Variants in SLC25A35 observed in about 807,000 individuals in gnomAD.
The protein encoded by SLC25A35 is solute carrier family 25, member 35.
In SLC25A35, 32 loss-of-function variants were observed where a neutral mutation model predicts 30.5. The ratio of observed to expected loss-of-function variants is 1.05; its 90% confidence interval spans 0.79 to 1.41. The LOEUF (loss-of-function observed/expected upper bound fraction) is 1.41, where lower values mean the gene tolerates loss of function less well. SLC25A35 is among the 40% of genes most tolerant of loss of function. The probability of loss-of-function intolerance (pLI) is 0.00; values close to 1 mark genes in which losing one functional copy is unlikely to be tolerated. For missense variants in SLC25A35, 369 were observed against 388.0 expected, an observed-to-expected ratio of 0.95 and a Z score of 0.41; for synonymous variants, 142 against 158.1, an observed-to-expected ratio of 0.90 and a Z score of 0.77.
At chr17:8,288,951 T>G, downstream of SLC25A35, 1 of 1,614,074 alleles carries the variant, frequency 6.2e-7, no homozygotes, top group African/African-American at 1.3e-5. Flanking sequence ...CTCGCCTCAC[T>G]CCAGCGACCT....
At chr17:8,292,283 C>T (rs1044335330) in intron 2 of SLC25A35, among the ~76,000 whole-genome samples, 6 of 152,156 alleles carry the variant, frequency 3.9e-5, no homozygotes, top group Non-Finnish European at 7.3e-5. Flanking sequence ...CACTTGAACC[C>T]GGGAAGCGGA....
downstream of SLC25A35, chr17:8,288,808 G>T (rs369657952): frequency 1.5e-5 from 24 of 1,614,046 alleles, no homozygotes; most frequent in Non-Finnish European, 1.9e-5. Flanking sequence ...ACGAGAGACT[G>T]CCCGCTGTTC....
chr17:8,295,021 G>C lies in SLC25A35; in HGVS notation c.-214C>G. The C allele has an allele frequency of 7.2e-7, 1 of 1,381,170 alleles. No homozygotes were observed. The highest frequency in any genetic ancestry group is 9.3e-7 in the Non-Finnish European group (1 of 1,070,776). The allele number at this position is 1,381,170 out of a possible 1,614,324, so 85.6% of individuals were successfully genotyped here. On this transcript the variant is annotated 5_prime_UTR_variant, in exon 1 of 5. It adds an upstream start codon to the 5' untranslated region. Coordinates refer to ENST00000577745, the MANE Select transcript of SLC25A35 (RefSeq NM_001320870.2). ...GTCAAGAGCTGGCAAGCAGGGAAGA[G>C]ATAGAAATCTAGGAGATTCTGGTGA...
chr17:8,291,103 G>A lies in SLC25A35; in HGVS notation c.595-127C>T, dbSNP rs542028386. 3.0e-5 allele frequency: 41 copies of A among 1,379,512 alleles called. No homozygotes were observed. The Admixed American group carries it at 4.7e-4, about 16-fold the overall frequency. 85.5% of individuals were successfully genotyped at this position (1,379,512 alleles called of 1,614,324 possible). ...AGCTTCCACTGCACCAGTTATAACA[G>A]TGCAAAAACAGTGAGAAGGAGGAAG... On this transcript the variant is annotated intron_variant, in intron 3 of 4. Coordinates refer to ENST00000577745, the MANE Select transcript of SLC25A35 (RefSeq NM_001320870.2).
intron 1 of SLC25A35, among the ~76,000 whole-genome samples, chr17:8,293,691 A>T (rs1199627403): frequency 2.7e-5 from 4 of 149,782 alleles, no homozygotes; most frequent in Non-Finnish European, 4.4e-5. Context: ...AGCTGGGACT[A>T]CAGGCGCCCA....
chr17:8,292,408 G>T (rs1186624120), intron 2 of SLC25A35, 115 bp downstream of exon 2: 5 of 1,041,766 alleles, frequency 4.8e-6, no homozygotes, highest in African/African-American at 3.1e-5. Flanking sequence ...AAATGGGACA[G>T]AACCGATGGG....
intron 1 of SLC25A35, among the ~76,000 whole-genome samples, chr17:8,293,250 G>T (rs1402539565): frequency 1.3e-5 from 2 of 152,158 alleles, no homozygotes; most frequent in Non-Finnish European, 2.9e-5. Context: ...ATAACTCAAA[G>T]GGGCAGATGT....
At chr17:8,292,284 G>A (rs1461742785) in intron 2 of SLC25A35, among the ~76,000 whole-genome samples, 2 of 152,172 alleles carry the variant, frequency 1.3e-5, no homozygotes, top group Admixed American at 1.3e-4. Flanking sequence ...ACTTGAACCC[G>A]GGAAGCGGAG....
intron 1 of SLC25A35, among the ~76,000 whole-genome samples, chr17:8,293,777 T>C (rs182519768): frequency 0.023 from 3,431 of 150,676 alleles, 51 homozygotes; most frequent in Middle Eastern, 0.12. Flanking sequence ...GGTCTCCATC[T>C]CCTGACCTCG....
In SLC25A35 at chr17:8,295,237, G is replaced by T; in HGVS notation, c.-430C>A. The T allele has an allele frequency of 2.0e-6, 2 of 991,462 alleles. No individual in the cohort carries two copies. Among genetic ancestry groups the T allele is most frequent in the Non-Finnish European group, 2.4e-6 (2 of 834,090 alleles). The allele number at this position is 991,462 out of a possible 1,614,324, so 61.4% of individuals were successfully genotyped here. ...GAGAAGAAAAGGATCCGGGAGAAGA[G>T]CCGGTGATTTCCTCGAGCCAGCAAC... On this transcript the variant is annotated 5_prime_UTR_variant, in exon 1 of 5. Transcript: ENST00000577745.
downstream of SLC25A35, chr17:8,289,586 C>T (rs1990315693): frequency 6.2e-7 from 1 of 1,611,952 alleles, no homozygotes; most frequent in Non-Finnish European, 8.5e-7. Flanking sequence ...TCAATCAGCC[C>T]CCGTAAGGAG....
At chr17:8,287,839 CG>C (rs1990198213), downstream of SLC25A35, 1 of 151,750 alleles carries the variant, frequency 6.6e-6, no homozygotes, top group South Asian at 2.1e-4. Context: ...TGCACCTGCC[CG>C]GGAGCATTCC....
At chr17:8,294,366 A>T in intron 1 of SLC25A35, 67 bp downstream of exon 1, 1 of 1,486,106 alleles carries the variant, frequency 6.7e-7, no homozygotes, top group Non-Finnish European at 8.9e-7. Flanking sequence ...TGCCCTTGGG[A>T]AAGAACAGCT....
chr17:8,288,496 C>T, downstream of SLC25A35: 1 of 507,448 alleles, frequency 2.0e-6, no homozygotes, highest in Non-Finnish European at 3.6e-6. Context: ...TCGTGACCAC[C>T]GGGGGCGACA....
At position 8,290,388 on chromosome 17, in the gene SLC25A35, G is replaced by T; in HGVS notation, c.*117C>A. The T allele has an allele frequency of 6.8e-7, 1 of 1,463,448 alleles. No homozygotes were observed. The allele number at this position is 1,463,448 out of a possible 1,614,324, so 90.7% of individuals were successfully genotyped here. A position where few individuals can be genotyped will look rare whatever the true frequency, so the allele number is the denominator to read the frequency against. On this transcript the variant is annotated 3_prime_UTR_variant, in exon 5 of 5. Transcript: ENST00000577745. ...ACCCTGAGAACAGATGGGGAGTGGGGTTGGCTGTCCCCCATGGATGGATGA... is the reference window on the plus strand; with the variant it reads ...ACCCTGAGAACAGATGGGGAGTGGGTTTGGCTGTCCCCCATGGATGGATGA...
At chr17:8,289,756 A>G (rs1597442298), downstream of SLC25A35, 2 of 1,613,700 alleles carry the variant, frequency 1.2e-6, no homozygotes, top group Non-Finnish European at 1.7e-6. Context: ...GGAATTGGCA[A>G]TTTCCAAACC....
In SLC25A35 at chr17:8,290,374, A is replaced by C. The variant is rs1041831201; in HGVS notation, c.*131T>G. The C allele has an allele frequency of 2.1e-5, 30 of 1,454,394 alleles. No individual in the cohort carries two copies. In the Admixed American group the frequency reaches 7.5e-4, roughly 37 times the overall value. The allele number at this position is 1,454,394 out of a possible 1,614,324, so 90.1% of individuals were successfully genotyped here. A position where few individuals can be genotyped will look rare whatever the true frequency, so the allele number is the denominator to read the frequency against. ...CTTGTAGTGATTCAACCCTGAGAAC[A>C]GATGGGGAGTGGGGTTGGCTGTCCC... On this transcript the variant is annotated 3_prime_UTR_variant, in exon 5 of 5. Coordinates refer to ENST00000577745, the MANE Select transcript of SLC25A35 (RefSeq NM_001320870.2).
At chr17:8,293,000 C>A (rs538804666) in intron 1 of SLC25A35, among the ~76,000 whole-genome samples, 2 of 152,318 alleles carry the variant, frequency 1.3e-5, no homozygotes, top group African/African-American at 4.8e-5. Context: ...GCAAAACTTG[C>A]TCTCTAGCCC....
downstream of SLC25A35, chr17:8,289,065 G>C: frequency 1.2e-6 from 2 of 1,613,564 alleles, no homozygotes; most frequent in Non-Finnish European, 1.7e-6. Flanking sequence ...GGGCGAAGCG[G>C]CTGCGCGGTG....
Sources: gnomAD v4.1 joint callset for allele counts (sites outside exome capture counted in the v4.1 genomes callset) on GRCh38, gnomAD v4.1.1 for gene constraint, MANE v1.5 for transcripts, NCBI Gene and HGNC (gene_info 2026-07-23, HGNC 2026-07-21) for gene names.